PRKCE: variants seen among roughly 807,000 people sequenced by gnomAD.
PRKCE encodes protein kinase C epsilon, also known as protein kinase C epsilon type.
PRKCE carries 16 observed loss-of-function variants against 85.4 expected under a neutral mutation model. The observed-to-expected ratio is 0.19, with a 90% CI of 0.13 to 0.28. The LOEUF is 0.28. Ranked by LOEUF, PRKCE falls within the 10% of genes least tolerant of loss-of-function variation. The pLI is 1.00. For missense variants in PRKCE, 573 were observed against 975.2 expected (o/e 0.59, Z 5.49); for synonymous variants, 388 against 371.5 (o/e 1.04, Z -0.51).
At position 45,868,957 on chromosome 2, in the gene PRKCE, C is replaced by CAA. The variant is rs58698207; in HGVS notation, c.412+25909_412+25910dup. Among the ~76,000 whole-genome samples, 116 of 112,050 alleles carry CAA rather than the reference C, an allele frequency of 1.0e-3. 2 individuals carry two copies. The highest frequency in any genetic ancestry group is 1.5e-3 in the Non-Finnish European group (81 of 54,100). 73.5% of individuals were successfully genotyped at this position (112,050 alleles called of 152,430 possible). ...TGAGTGACAGAGCAACATCCTGTCT[C>CAA]AAAAAAAAAAAAAAAAGAAAAAAGA... On this transcript the variant is annotated intron_variant, in intron 2 of 14. Coordinates refer to ENST00000306156, the MANE Select transcript of PRKCE (RefSeq NM_005400.3).
At chr2:45,870,150 C>T (rs56238042) in intron 2 of PRKCE, among the ~76,000 whole-genome samples, 8,636 of 152,284 alleles carry the variant, frequency 0.057, 302 homozygotes, top group Middle Eastern at 0.11. Context: ...GGGCTCCTCA[C>T]ATCTGAGTCC....
At chr2:46,106,918 G>T (rs1454435330) in intron 11 of PRKCE, among the ~76,000 whole-genome samples, 1 of 152,172 alleles carries the variant, frequency 6.6e-6, no homozygotes, top group Admixed American at 6.5e-5. Flanking sequence ...ACCCTTCGAT[G>T]AAGTTGTTTC....
chr2:46,035,888 A>G (rs1000216060), intron 10 of PRKCE, among the ~76,000 whole-genome samples: 1 of 152,250 alleles, frequency 6.6e-6, no homozygotes, highest in African/African-American at 2.4e-5. Flanking sequence ...ACCTGTCCTC[A>G]TAGAGCTTCA....
chr2:45,753,813 C>T (rs1683780201), intron 1 of PRKCE, among the ~76,000 whole-genome samples: 1 of 152,190 alleles, frequency 6.6e-6, no homozygotes, highest in Non-Finnish European at 1.5e-5. Context: ...GACATCCTAA[C>T]ATTCCCCTCC....
Position 46,184,834 on chromosome 2 carries a change from G to A in PRKCE, c.2167G>A (p.Glu723Lys), listed in dbSNP as rs369626182. Residue 723 changes from glutamate (E) to lysine (K), a missense_variant, in exon 15 of 15, where the codon GAG becomes AAG. Glu to Lys is a moderately conservative substitution (Grantham distance 56). Transcript: ENST00000306156. This position sits in a 1 kb window ranked among gnomAD's most constrained non-coding sequence, Gnocchi z 5.0. ...AGCAATTGTAAAGCAGATCAACCAG[G>A]AGGAATTCAAAGGTTTCTCCTACTT... ...DEAIVKQINQ[E>K]EFKGFSYFGE... The A allele has an allele frequency of 1.8e-5, 28 of 1,599,668 alleles. No homozygotes were observed. Among genetic ancestry groups the A allele is most frequent in the Non-Finnish European group, 2.1e-5 (25 of 1,179,968 alleles).
At chr2:46,059,264 G>T (rs1167521448) in intron 10 of PRKCE, among the ~76,000 whole-genome samples, 1 of 151,992 alleles carries the variant, frequency 6.6e-6, no homozygotes, top group Non-Finnish European at 1.5e-5. Context: ...CTCCAGCCTG[G>T]ATGACAGAGT....
intron 1 of PRKCE, among the ~76,000 whole-genome samples, chr2:45,716,281 C>T (rs1445885026): frequency 6.6e-6 from 1 of 152,210 alleles, no homozygotes; most frequent in African/African-American, 2.4e-5. Context: ...CTTTGGGAGG[C>T]CAAGGTGGGC....
intron 1 of PRKCE, among the ~76,000 whole-genome samples, chr2:45,660,238 T>G (rs1434847604): frequency 6.6e-6 from 1 of 152,198 alleles, no homozygotes; most frequent in East Asian, 1.9e-4. Flanking sequence ...TAAACAATCC[T>G]TCTGTACAGT....
At chr2:45,880,043 C>T (rs1381053641) in intron 2 of PRKCE, among the ~76,000 whole-genome samples, 1 of 149,248 alleles carries the variant, frequency 6.7e-6, no homozygotes, top group Non-Finnish European at 1.5e-5. Context: ...TTCCCAGTAT[C>T]TAGCATCTTC....
rs148570869 is a variant in PRKCE at position 45,982,505 on chromosome 2, C to A, written c.694-2046C>A. Among the ~76,000 whole-genome samples, 1,177 of 152,318 alleles carry A rather than the reference C, an allele frequency of 7.7e-3. 2 individuals carry two copies. Among genetic ancestry groups the A allele is most frequent in the Non-Finnish European group, 0.012 (816 of 68,024 alleles). The stretch of plus-strand genomic sequence containing the variant: ...TGGACTCACACCCTGCCTGCACTTC[C>A]AGGTGTGGTAACCAAACAATGTTCC... On this transcript the variant is annotated intron_variant, in intron 5 of 14. Coordinates refer to ENST00000306156, the MANE Select transcript of PRKCE (RefSeq NM_005400.3).
chr2:46,121,010 A>T (rs1574522798), intron 11 of PRKCE, among the ~76,000 whole-genome samples: 2 of 152,244 alleles, frequency 1.3e-5, no homozygotes, highest in Admixed American at 1.3e-4. Flanking sequence ...AACCTAACTC[A>T]GTCAAAGCTG....
At chr2:45,965,213 T>C (rs146531109) in intron 2 of PRKCE, among the ~76,000 whole-genome samples, 249 of 152,362 alleles carry the variant, frequency 1.6e-3, no homozygotes, top group African/African-American at 5.5e-3. Flanking sequence ...CTTTAATGCA[T>C]TGTGTGAGTA....
At position 45,993,709 on chromosome 2, in the gene PRKCE, G is replaced by C. The variant is rs141556266; in HGVS notation, c.824-7695G>C. On this transcript the variant is annotated intron_variant, in intron 6 of 14. Coordinates refer to ENST00000306156, the MANE Select transcript of PRKCE (RefSeq NM_005400.3). ...CAGAGAGGCAGAAGACAGCTTTCATGGGTTTGGTGGGTGGAGCAGGTGTGG... is the reference window on the plus strand; with the variant it reads ...CAGAGAGGCAGAAGACAGCTTTCATCGGTTTGGTGGGTGGAGCAGGTGTGG... 8.7e-4 allele frequency among the ~76,000 whole-genome samples: 132 copies of C among 152,250 alleles called. 2 individuals are homozygous for C. The highest frequency in any genetic ancestry group is 7.7e-3 in the South Asian group (37 of 4,812).
In PRKCE at chr2:46,145,316, G is replaced by A; in HGVS notation, c.1731+85G>A. The A allele has an allele frequency of 1.3e-6, 2 of 1,518,936 alleles. No homozygotes were observed. Among genetic ancestry groups the A allele is most frequent in the South Asian group, 2.3e-5 (2 of 86,204 alleles). 94.1% of individuals were successfully genotyped at this position (1,518,936 alleles called of 1,614,324 possible). A position where few individuals can be genotyped will look rare whatever the true frequency, so the allele number is the denominator to read the frequency against. The stretch of plus-strand genomic sequence containing the variant: ...AACCCATGCACTGGGGTCATCTAGT[G>A]GTGCTGGGGGAAGGCTCTGGAAATC... On this transcript the variant is annotated intron_variant, in intron 12 of 14. Coordinates refer to ENST00000306156, the MANE Select transcript of PRKCE (RefSeq NM_005400.3). The surrounding 1 kb of genome is among the most constrained non-coding windows in gnomAD (Gnocchi z 4.6).
Position 45,853,204 on chromosome 2 carries a change from G to A in PRKCE, c.412+10141G>A, listed in dbSNP as rs77140604. Among the ~76,000 whole-genome samples, 1,086 of 152,246 alleles carry A rather than the reference G, an allele frequency of 7.1e-3. 14 individuals are homozygous for A. Among genetic ancestry groups the A allele is most frequent in the African/African-American group, 0.025 (1,034 of 41,530 alleles). ...GGGGAAAGGAGTTGAGAAGGCATCA[G>A]TGTTGTTAGAGAGCTGGGAAATGCC... On this transcript the variant is annotated intron_variant, in intron 2 of 14. Coordinates refer to ENST00000306156, the MANE Select transcript of PRKCE (RefSeq NM_005400.3).
At chr2:45,960,746 G>A (rs1041025025) in intron 2 of PRKCE, among the ~76,000 whole-genome samples, 3 of 152,168 alleles carry the variant, frequency 2.0e-5, no homozygotes, top group African/African-American at 7.2e-5. Context: ...GTTTTCAGTG[G>A]ATTTTATCTT....
At chr2:46,063,260 G>A (rs1421870574) in intron 10 of PRKCE, among the ~76,000 whole-genome samples, 1 of 151,934 alleles carries the variant, frequency 6.6e-6, no homozygotes, top group East Asian at 1.9e-4. Flanking sequence ...TAGATAGCTA[G>A]GTGATATTCT....
intron 11 of PRKCE, among the ~76,000 whole-genome samples, chr2:46,115,965 A>G (rs1672727957): frequency 6.6e-6 from 1 of 152,230 alleles, no homozygotes; most frequent in Non-Finnish European, 1.5e-5. Context: ...CTAAAGTTAC[A>G]GAGGAAAGGA....
intron 1 of PRKCE, among the ~76,000 whole-genome samples, chr2:45,754,084 G>T (rs557416812): frequency 1.1e-4 from 16 of 152,178 alleles, no homozygotes; most frequent in Non-Finnish European, 1.9e-4. Flanking sequence ...TTTTGTAGGC[G>T]TAGGGGGATC....
Sources: allele counts gnomAD v4.1 joint callset (sites outside exome capture counted in the v4.1 genomes callset), GRCh38; gene constraint gnomAD v4.1.1; non-coding constraint Gnocchi (gnomAD v3.1); transcripts MANE v1.5; gene names NCBI Gene and HGNC (gene_info 2026-07-23, HGNC 2026-07-21).